The following TMCC3 variants were observed in gnomAD, a reference collection of about 807,000 sequenced individuals.
TMCC3 encodes the protein transmembrane and coiled-coil domain protein 3.
In TMCC3, 28 loss-of-function variants were observed where a neutral mutation model predicts 40.2. That is an observed-to-expected ratio of 0.70 (90% CI 0.52 to 0.95). The LOEUF is 0.95. Ranked by LOEUF, TMCC3 falls within the 40% of genes least tolerant of loss-of-function variation. TMCC3 has a pLI of 0.00. For synonymous variants in TMCC3, 255 were observed against 248.5 expected (o/e 1.03, Z -0.25); for missense variants, 554 against 615.2 (o/e 0.90, Z 1.05).
intron 1 of TMCC3, among the ~76,000 whole-genome samples, chr12:94,618,326 C>T (rs375729290): frequency 6.6e-6 from 1 of 152,180 alleles, no homozygotes; most frequent in Non-Finnish European, 1.5e-5. Context: ...ATCACTTCTT[C>T]CTTCCCCCTT....
chr12:94,595,863 GAA>G (rs11360831), intron 1 of TMCC3, among the ~76,000 whole-genome samples: 8 of 151,136 alleles, frequency 5.3e-5, no homozygotes, highest in South Asian at 2.1e-4. Flanking sequence ...TCCACTTAAA[GAA>G]AAAAAAAATG....
At chr12:94,600,430 A>T (rs2068746104) in intron 1 of TMCC3, among the ~76,000 whole-genome samples, 1 of 151,926 alleles carries the variant, frequency 6.6e-6, no homozygotes, top group Non-Finnish European at 1.5e-5. Flanking sequence ...AAGTCATTAC[A>T]CTGATCTTCT....
intron 1 of TMCC3, chr12:94,615,833 T>A: frequency 2.8e-6 from 2 of 720,344 alleles, no homozygotes; most frequent in Non-Finnish European, 3.4e-6. Context: ...CATTTCTTTC[T>A]GGCATCTCCC....
intron 1 of TMCC3, among the ~76,000 whole-genome samples, chr12:94,629,502 G>C (rs544608576): frequency 4.6e-5 from 7 of 152,190 alleles, no homozygotes; most frequent in African/African-American, 7.2e-5. Context: ...TCAGGGCCTC[G>C]CACAGTGCTG....
intron 1 of TMCC3, among the ~76,000 whole-genome samples, chr12:94,615,258 A>C (rs2068841347): frequency 6.6e-6 from 1 of 152,230 alleles, no homozygotes; most frequent in South Asian, 2.1e-4. Context: ...GGCAGAAATC[A>C]CATGAACCTG....
chr12:94,605,385 G>C (rs1202539731), intron 1 of TMCC3, among the ~76,000 whole-genome samples: 1 of 152,138 alleles, frequency 6.6e-6, no homozygotes, highest in African/African-American at 2.4e-5. Flanking sequence ...TTTAGTTCAG[G>C]TCACATAAGA....
intron 1 of TMCC3, among the ~76,000 whole-genome samples, chr12:94,602,262 T>C (rs1412162765): frequency 1.3e-5 from 2 of 152,224 alleles, no homozygotes; most frequent in Non-Finnish European, 2.9e-5. Context: ...CAGAAAGGTA[T>C]AAGATTAGGG....
At chr12:94,623,466 C>G (rs539991197) in intron 1 of TMCC3, among the ~76,000 whole-genome samples, 1 of 152,342 alleles carries the variant, frequency 6.6e-6, no homozygotes, top group East Asian at 1.9e-4. Flanking sequence ...CTCCCAAAGC[C>G]AGAGCTATTC....
At chr12:94,595,111 G>A (rs2068707679) in intron 1 of TMCC3, among the ~76,000 whole-genome samples, 1 of 152,178 alleles carries the variant, frequency 6.6e-6, no homozygotes, top group Non-Finnish European at 1.5e-5. Flanking sequence ...CAAACGTAGA[G>A]TAACTGTTAG....
At chr12:94,580,466 G>T (rs2068593492) in intron 2 of TMCC3, among the ~76,000 whole-genome samples, 1 of 152,194 alleles carries the variant, frequency 6.6e-6, no homozygotes, top group Non-Finnish European at 1.5e-5. Context: ...TGGGTGCAGT[G>T]GTTCATGTCT....
intron 2 of TMCC3, among the ~76,000 whole-genome samples, chr12:94,579,142 C>T (rs1386209702): frequency 6.6e-6 from 1 of 152,172 alleles, no homozygotes; most frequent in Non-Finnish European, 1.5e-5. Flanking sequence ...ATGTCCAAAT[C>T]TAAAGGAACA....
chr12:94,614,298 G>A (rs78851737), intron 1 of TMCC3, among the ~76,000 whole-genome samples: 1 of 152,012 alleles, frequency 6.6e-6, no homozygotes, highest in African/African-American at 2.4e-5. Flanking sequence ...AAAGGTCCTC[G>A]GGTCACCACT....
In TMCC3 at chr12:94,650,304, C is replaced by T; in HGVS notation, c.78+49G>A. The T allele has an allele frequency of 3.5e-6, 4 of 1,157,606 alleles. No homozygotes were observed. In the South Asian group the frequency reaches 1.2e-4, roughly 34 times the overall value. 71.7% of individuals were successfully genotyped at this position (1,157,606 alleles called of 1,614,324 possible). On this transcript the variant is annotated intron_variant, in intron 1 of 3. Transcript: ENST00000261226. ...ACTGAGCCGCCGCCCCAGCCCGCCT[C>T]GCCCCCGGGCCCGCGCGCACCCGCC...
chr12:94,646,604 A>G (rs75579307), intron 1 of TMCC3, among the ~76,000 whole-genome samples: 1 of 151,628 alleles, frequency 6.6e-6, no homozygotes, highest in Non-Finnish European at 1.5e-5. Flanking sequence ...ATGCCTGGTT[A>G]ATTTTTGTAT....
chr12:94,577,114 C>T (rs770273629), intron 3 of TMCC3, among the ~76,000 whole-genome samples: 6 of 152,140 alleles, frequency 3.9e-5, no homozygotes, highest in Non-Finnish European at 8.8e-5. Context: ...AAGTGTTTTG[C>T]TAGTATTGAG....
chr12:94,650,525 G>A lies in TMCC3; in HGVS notation c.-95C>T. 3.9e-6 allele frequency: 4 copies of A among 1,027,292 alleles called. No homozygotes were observed. The highest frequency in any genetic ancestry group is 3.7e-6 in the Non-Finnish European group (3 of 811,740). 63.6% of individuals were successfully genotyped at this position (1,027,292 alleles called of 1,614,324 possible). On this transcript the variant is annotated 5_prime_UTR_variant, in exon 1 of 4. Coordinates refer to ENST00000261226, the MANE Select transcript of TMCC3 (RefSeq NM_020698.4). The stretch of plus-strand genomic sequence containing the variant: ...GGATCACCCTGGGAGCCGCGGGCGA[G>A]GGGGCGGCGCGGCTGCTGCAGCTGT...
At chr12:94,586,225 T>G (rs1251852081) in intron 1 of TMCC3, among the ~76,000 whole-genome samples, 1 of 152,232 alleles carries the variant, frequency 6.6e-6, no homozygotes, top group Non-Finnish European at 1.5e-5. Context: ...TGAAGCATAA[T>G]TTATACTCAG....
At chr12:94,574,873 C>T (rs991529616) in intron 3 of TMCC3, among the ~76,000 whole-genome samples, 9 of 152,200 alleles carry the variant, frequency 5.9e-5, no homozygotes, top group South Asian at 2.1e-4. Flanking sequence ...AAATGAATTA[C>T]GTGTACAAAT....
intron 2 of TMCC3, among the ~76,000 whole-genome samples, chr12:94,581,117 C>CAT (rs1319121667): frequency 2.0e-5 from 3 of 152,066 alleles, no homozygotes; most frequent in Non-Finnish European, 2.9e-5. Flanking sequence ...GGAATATTTG[C>CAT]ATATATATAC....
Sources: gnomAD v4.1 joint callset for allele counts (sites outside exome capture counted in the v4.1 genomes callset) on GRCh38, gnomAD v4.1.1 for gene constraint, MANE v1.5 for transcripts, NCBI Gene and HGNC (gene_info 2026-07-23, HGNC 2026-07-21) for gene names.